Variants in ABCA12 observed in about 807,000 individuals in gnomAD.
The protein encoded by ABCA12 is ATP binding cassette subfamily A member 12, also known as glucosylceramide transporter ABCA12.
A neutral mutation model predicts 293.5 loss-of-function variants in ABCA12; 156 were observed. The observed-to-expected ratio is 0.53, with a 90% CI of 0.47 to 0.61. The LOEUF is 0.61. Ranked by LOEUF, ABCA12 falls within the 20% of genes least tolerant of loss-of-function variation. The pLI, the probability that ABCA12 is intolerant of heterozygous loss-of-function variation, is 0.00. For synonymous variants in ABCA12, 1,063 were observed against 1,108.0 expected (o/e 0.96, Z 0.81); for missense variants, 2,797 against 3,090.2 (o/e 0.91, Z 2.25).
chr2:215,079,744 C>G (rs1451868468), intron 2 of ABCA12, among the ~76,000 whole-genome samples: 1 of 152,100 alleles, frequency 6.6e-6, no homozygotes, highest in Non-Finnish European at 1.5e-5. Flanking sequence ...TGAGGTTGTA[C>G]AGTTTTTAAT....
chr2:215,080,228 T>A (rs1701911194), intron 2 of ABCA12, among the ~76,000 whole-genome samples: 1 of 152,214 alleles, frequency 6.6e-6, no homozygotes, highest in African/African-American at 2.4e-5. Flanking sequence ...CCAGGTGCAG[T>A]GGCTCATGCC....
At chr2:215,065,745 A>T (rs1269484036) in intron 2 of ABCA12, among the ~76,000 whole-genome samples, 2 of 152,102 alleles carry the variant, frequency 1.3e-5, no homozygotes, top group African/African-American at 2.4e-5. Context: ...CGCTGAGACC[A>T]AATTCTGGGC....
At chr2:215,061,195 A>G (rs74659844) in intron 3 of ABCA12, among the ~76,000 whole-genome samples, 1 of 152,196 alleles carries the variant, frequency 6.6e-6, no homozygotes, top group Non-Finnish European at 1.5e-5. Context: ...CTTTTTTCAG[A>G]CAGCTAGTTA....
At chr2:214,978,091 C>T (rs909199581) in intron 33 of ABCA12, among the ~76,000 whole-genome samples, 1 of 152,106 alleles carries the variant, frequency 6.6e-6, no homozygotes, top group Non-Finnish European at 1.5e-5. Context: ...ACCATGCTAT[C>T]AAGAGAGTTC....
At chr2:215,098,807 G>C (rs13427184) in intron 2 of ABCA12, among the ~76,000 whole-genome samples, 3 of 152,250 alleles carry the variant, frequency 2.0e-5, no homozygotes, top group Non-Finnish European at 4.4e-5. Context: ...CTGTAAAACA[G>C]TAATAGCTCA....
chr2:215,054,531 C>G, intron 4 of ABCA12, 42 bp downstream of exon 4: 1 of 1,482,768 alleles, frequency 6.7e-7, no homozygotes, highest in Non-Finnish European at 9.4e-7. Flanking sequence ...CTTTACTGTT[C>G]CATAAGGCTT....
chr2:214,994,378 C>T (rs773749612), intron 23 of ABCA12, among the ~76,000 whole-genome samples: 2 of 152,176 alleles, frequency 1.3e-5, no homozygotes, highest in Non-Finnish European at 1.5e-5. Flanking sequence ...AAGAAAACCC[C>T]GCTGCCTAGT....
At chr2:215,031,680 A>G (rs559394625) in intron 9 of ABCA12, 141 bp downstream of exon 9, 66 of 949,564 alleles carry the variant, frequency 7.0e-5, no homozygotes, top group Non-Finnish European at 1.0e-4. Context: ...CACTTGGACT[A>G]TGCCCTTTCC....
At chr2:215,109,686 T>C (rs1403094886) in intron 2 of ABCA12, among the ~76,000 whole-genome samples, 2 of 152,204 alleles carry the variant, frequency 1.3e-5, no homozygotes, top group Non-Finnish European at 2.9e-5. Flanking sequence ...AGTATTTTTT[T>C]TCTTCCTAAT....
At chr2:215,052,070 G>C (rs915341629) in intron 5 of ABCA12, among the ~76,000 whole-genome samples, 2 of 152,066 alleles carry the variant, frequency 1.3e-5, no homozygotes, top group African/African-American at 4.8e-5. Context: ...TAAGAAAAAG[G>C]ATTTTCCTAC....
chr2:215,054,438 G>A, intron 4 of ABCA12, 135 bp downstream of exon 4: 1 of 755,806 alleles, frequency 1.3e-6, no homozygotes, highest in Non-Finnish European at 2.3e-6. Context: ...CAACCATGAG[G>A]AACGTTTAGA....
chr2:215,071,060 G>A (rs1297639473), intron 2 of ABCA12, among the ~76,000 whole-genome samples: 1 of 151,684 alleles, frequency 6.6e-6, no homozygotes, highest in Non-Finnish European at 1.5e-5. Context: ...ATCTCGGCAT[G>A]CTGGTATGTG....
At chr2:215,096,480 T>A (rs1334878298) in intron 2 of ABCA12, among the ~76,000 whole-genome samples, 1 of 152,234 alleles carries the variant, frequency 6.6e-6, no homozygotes, top group Non-Finnish European at 1.5e-5. Flanking sequence ...ATAAGTTACA[T>A]GAAAGAAGTC....
chr2:215,006,569 T>C (rs1700256392), intron 19 of ABCA12, among the ~76,000 whole-genome samples: 1 of 152,180 alleles, frequency 6.6e-6, no homozygotes, highest in Non-Finnish European at 1.5e-5. Flanking sequence ...TGGAGTATAA[T>C]TTTTCTGACC....
In ABCA12 at chr2:215,102,665, C is replaced by T. The variant is rs187482398; in HGVS notation, c.163+8932G>A. On this transcript the variant is annotated intron_variant, in intron 2 of 52. Coordinates refer to ENST00000272895, the MANE Select transcript of ABCA12 (RefSeq NM_173076.3). The stretch of plus-strand genomic sequence containing the variant: ...AACAGCCTTATCTTTCAGTACTCAA[C>T]AAGCATCTTCCTTTTTCAGGCAAAA... 3.0e-4 allele frequency among the ~76,000 whole-genome samples: 46 copies of T among 152,300 alleles called. 1 individual carries two copies. The East Asian group carries it at 7.9e-3, about 26-fold the overall frequency.
intron 48 of ABCA12, 109 bp from the exon 49 acceptor site, chr2:214,945,213 T>C (rs1698545004): frequency 5.7e-6 from 5 of 879,066 alleles, no homozygotes; most frequent in Non-Finnish European, 9.1e-6. Flanking sequence ...CTTTTCGAGG[T>C]CCTGTGACTA....
rs1032500279 is a variant in ABCA12, at chr2:214,932,516, T to C, written c.*118A>G. 13 of 827,882 alleles carry C rather than the reference T, an allele frequency of 1.6e-5. No individual in the cohort carries two copies. The highest frequency in any genetic ancestry group is 6.8e-5 in the African/African-American group (4 of 58,544). 51.3% of individuals were successfully genotyped at this position (827,882 alleles called of 1,614,324 possible). ...TGTTAGTCTAACACAGTTGTAACTTTCCATACAGTATATTACTTTACTTTA... is the reference window on the plus strand; with the variant it reads ...TGTTAGTCTAACACAGTTGTAACTTCCCATACAGTATATTACTTTACTTTA... On this transcript the variant is annotated 3_prime_UTR_variant, in exon 53 of 53. Coordinates refer to ENST00000272895, the MANE Select transcript of ABCA12 (RefSeq NM_173076.3).
chr2:215,034,942 C>T (rs2106034853), intron 8 of ABCA12, among the ~76,000 whole-genome samples: 1 of 152,276 alleles, frequency 6.6e-6, no homozygotes, highest in South Asian at 2.1e-4. Flanking sequence ...CCCACTCCAG[C>T]ATAACAGAGT....
At chr2:214,936,956 T>C (rs980432824) in intron 51 of ABCA12, among the ~76,000 whole-genome samples, 3 of 151,516 alleles carry the variant, frequency 2.0e-5, no homozygotes, top group Non-Finnish European at 4.4e-5. Context: ...AAAATACATG[T>C]ATGTGAAAGG....
Sources: gnomAD v4.1 joint callset for allele counts (sites outside exome capture counted in the v4.1 genomes callset) on GRCh38, gnomAD v4.1.1 for gene constraint, MANE v1.5 for transcripts, NCBI Gene and HGNC (gene_info 2026-07-23, HGNC 2026-07-21) for gene names.